The following PHLDB2 variants were observed in gnomAD, a reference collection of about 807,000 sequenced individuals.
PHLDB2 encodes the protein pleckstrin homology like domain family B member 2, also known as pleckstrin homology-like domain family B member 2.
In PHLDB2, 71 loss-of-function variants were observed where a neutral mutation model predicts 123.6. That is an observed-to-expected ratio of 0.57 (90% confidence interval 0.47 to 0.70). The LOEUF is 0.70. PHLDB2 is among the 30% of genes least tolerant of loss of function. PHLDB2 has a pLI of 0.00. For missense variants in PHLDB2, 1,446 were observed against 1,519.5 expected (o/e 0.95, Z 0.80); for synonymous variants, 547 against 541.6 (o/e 1.01, Z -0.14).
intron 1 of PHLDB2, among the ~76,000 whole-genome samples, chr3:111,829,458 CTTTTTTTTTGGTTTT>C (rs1210800012): frequency 8.7e-6 from 1 of 115,126 alleles, no homozygotes; most frequent in Non-Finnish European, 1.7e-5. Flanking sequence ...TTTTCTTTTT[CTTTTTTTTTGGTTTT>C]TTTTTTTTTT....
chr3:111,735,311 A>T (rs1199167890), intron 1 of PHLDB2, among the ~76,000 whole-genome samples: 1 of 152,202 alleles, frequency 6.6e-6, no homozygotes, highest in Admixed American at 6.5e-5. Flanking sequence ...CTTGGAGTCT[A>T]AATGGCTTTT....
intron 1 of PHLDB2, among the ~76,000 whole-genome samples, chr3:111,836,065 C>T (rs1261658725): frequency 6.6e-6 from 1 of 152,200 alleles, no homozygotes; most frequent in Non-Finnish European, 1.5e-5. Context: ...TCTGCCACAG[C>T]ACCTACAGAC....
intron 1 of PHLDB2, among the ~76,000 whole-genome samples, chr3:111,742,449 A>C (rs942082374): frequency 1.2e-4 from 18 of 151,800 alleles, no homozygotes; most frequent in Non-Finnish European, 2.1e-4. Context: ...TCCTAATGCT[A>C]TCTCTCCCTC....
intron 5 of PHLDB2, among the ~76,000 whole-genome samples, chr3:111,926,963 C>A (rs1013260098): frequency 3.3e-5 from 5 of 152,122 alleles, no homozygotes; most frequent in African/African-American, 9.7e-5. Flanking sequence ...CAAAATACTT[C>A]CTGACTTATA....
Position 111,892,726 on chromosome 3 carries a change from G to A in PHLDB2, c.1335+7314G>A, listed in dbSNP as rs79608643. On this transcript the variant is annotated intron_variant, in intron 2 of 17. Transcript: ENST00000431670. The stretch of plus-strand genomic sequence containing the variant: ...TTTCTAGCATTCTTTGTAAGAATTG[G>A]TGCTCTCCAAGGTCGTACAAAAACC... 3.2e-4 allele frequency among the ~76,000 whole-genome samples: 49 copies of A among 152,144 alleles called. No individual in the cohort carries two copies. The East Asian group carries it at 9.3e-3, about 29-fold the overall frequency.
At chr3:111,968,286 C>G (rs2071933401) in intron 15 of PHLDB2, among the ~76,000 whole-genome samples, 1 of 152,154 alleles carries the variant, frequency 6.6e-6, no homozygotes, top group Non-Finnish European at 1.5e-5. Context: ...TTCACCAAGT[C>G]CAGTGTCTTT....
intron 1 of PHLDB2, among the ~76,000 whole-genome samples, chr3:111,843,076 T>C (rs2063766134): frequency 6.6e-6 from 1 of 152,244 alleles, no homozygotes; most frequent in Non-Finnish European, 1.5e-5. Flanking sequence ...ATATGAGTTT[T>C]TGTGAGAACA....
intron 1 of PHLDB2, among the ~76,000 whole-genome samples, chr3:111,792,287 A>G (rs1210178473): frequency 6.6e-6 from 1 of 152,202 alleles, no homozygotes; most frequent in Non-Finnish European, 1.5e-5. Context: ...TCTGATATGT[A>G]TATATATCCT....
At chr3:111,798,514 T>C (rs1281809474) in intron 1 of PHLDB2, among the ~76,000 whole-genome samples, 1 of 151,900 alleles carries the variant, frequency 6.6e-6, no homozygotes, top group Non-Finnish European at 1.5e-5. Flanking sequence ...ATTAAAGCAT[T>C]TATTTAAAAT....
chr3:111,844,406 G>A (rs9827362), intron 1 of PHLDB2, among the ~76,000 whole-genome samples: 107,894 of 152,024 alleles, frequency 0.71, 38,543 homozygotes, highest in Middle Eastern at 0.85. Context: ...CAATATTTCT[G>A]TTCGTAGATA....
chr3:111,885,001 C>T lies in PHLDB2; in HGVS notation c.924C>T (p.Ser308=). 6.2e-7 allele frequency: 1 copy of T among 1,614,134 alleles called. No homozygotes were observed. Among genetic ancestry groups the T allele is most frequent in the African/African-American group, 1.3e-5 (1 of 75,044 alleles). Residue 308 remains serine (S), a synonymous_variant, in exon 2 of 18, where the codon AGC becomes AGT. Coordinates refer to ENST00000431670, the MANE Select transcript of PHLDB2 (RefSeq NM_001134438.2). ...ATTACCTTAATTTTTCTTCTTTGAG[C>T]TCAGGGGCTTTACCCTATAAAACCT... ...NDNYLNFSSL[S]SGALPYKTSA... is the part of the protein sequence containing the mutation.
chr3:111,794,845 C>T (rs891145932), intron 1 of PHLDB2, among the ~76,000 whole-genome samples: 3 of 152,128 alleles, frequency 2.0e-5, no homozygotes, highest in Non-Finnish European at 2.9e-5. Context: ...GGTATTGGAG[C>T]TAGCATGCAA....
At chr3:111,972,722 G>A (rs1233326782) in intron 16 of PHLDB2, among the ~76,000 whole-genome samples, 3 of 151,836 alleles carry the variant, frequency 2.0e-5, no homozygotes, top group Admixed American at 2.0e-4. Flanking sequence ...CATCATTTCA[G>A]TAACTTTGTA....
chr3:111,877,969 T>C (rs1019364519), intron 1 of PHLDB2, among the ~76,000 whole-genome samples: 5 of 152,216 alleles, frequency 3.3e-5, no homozygotes, highest in African/African-American at 1.2e-4. Context: ...GTAGTATACA[T>C]TGAAGTCAGG....
chr3:111,899,782 G>A (rs140879941), intron 2 of PHLDB2, among the ~76,000 whole-genome samples: 320 of 152,220 alleles, frequency 2.1e-3, no homozygotes, highest in African/African-American at 7.3e-3. Flanking sequence ...TTTTGTCTAC[G>A]TTGTTTGTTT....
chr3:111,913,808 C>T (rs1217431673), intron 3 of PHLDB2, 106 bp downstream of exon 3: 2 of 1,380,916 alleles, frequency 1.4e-6, no homozygotes, highest in African/African-American at 1.5e-5. Context: ...AGGATGTTTT[C>T]AGTGAAATTT....
At chr3:111,950,006 T>G (rs2070603357) in intron 10 of PHLDB2, 1 of 664,258 alleles carries the variant, frequency 1.5e-6, no homozygotes, top group Non-Finnish European at 1.9e-6. Flanking sequence ...AGTTGCATAC[T>G]TCTCTGATTT....
intron 1 of PHLDB2, among the ~76,000 whole-genome samples, chr3:111,860,382 C>T (rs1388222326): frequency 1.3e-5 from 2 of 152,236 alleles, no homozygotes; most frequent in Non-Finnish European, 2.9e-5. Context: ...TACAGTGTGG[C>T]CGTCTCGGCA....
chr3:111,918,934 G>A (rs1465756266), intron 3 of PHLDB2, 138 bp from the exon 4 acceptor site: 2 of 844,732 alleles, frequency 2.4e-6, no homozygotes, highest in Non-Finnish European at 3.8e-6. Context: ...CTCCAAGCGT[G>A]CAGTTGCAGG....
Sources: gnomAD v4.1 joint callset for allele counts (sites outside exome capture counted in the v4.1 genomes callset) on GRCh38, gnomAD v4.1.1 for gene constraint, MANE v1.5 for transcripts, NCBI Gene and HGNC (gene_info 2026-07-23, HGNC 2026-07-21) for gene names.